Variants in LONRF2 observed in about 807,000 individuals in gnomAD.
LONRF2 encodes LON peptidase N-terminal domain and ring finger 2.
LONRF2 carries 35 observed loss-of-function variants against 66.6 expected under a neutral mutation model. The observed-to-expected ratio is 0.53, with a 90% CI of 0.40 to 0.70. LONRF2 has a LOEUF of 0.70. Ranked by LOEUF, LONRF2 falls within the 30% of genes least tolerant of loss-of-function variation. The pLI is 0.00. For synonymous variants in LONRF2, 417 were observed against 418.1 expected (o/e 1.00, Z 0.03); for missense variants, 902 against 1,002.1 (o/e 0.90, Z 1.35).
chr2:100,292,419 C>A (rs2105718958), intron 9 of LONRF2, among the ~76,000 whole-genome samples: 1 of 152,348 alleles, frequency 6.6e-6, no homozygotes, highest in Non-Finnish European at 1.5e-5. Context: ...AGAAAAATAG[C>A]TGAATTCTTC....
chr2:100,302,766 T>C (rs949608062), intron 3 of LONRF2, among the ~76,000 whole-genome samples, 155 bp downstream of exon 3: 6 of 152,236 alleles, frequency 3.9e-5, no homozygotes, highest in Non-Finnish European at 2.9e-5. Context: ...ATCCAATGTA[T>C]GAACCTTACA....
chr2:100,284,558 C>A (rs1674806889), intron 11 of LONRF2, 66 bp from the exon 12 acceptor site: 2 of 1,335,884 alleles, frequency 1.5e-6, no homozygotes, highest in Admixed American at 6.6e-5. Context: ...CCAACACAGT[C>A]TTTTGCTCCA....
rs1674544984 is a variant in LONRF2, at chr2:100,273,898, A to G, written c.*10400T>C. 1 of 152,240 alleles carries G rather than the reference A, an allele frequency of 6.6e-6. No individual in the cohort carries two copies. The highest frequency in any genetic ancestry group is 2.4e-5 in the African/African-American group (1 of 41,462). 9.4% of individuals were successfully genotyped at this position (152,240 alleles called of 1,614,324 possible). The stretch of plus-strand genomic sequence containing the variant: ...AGAGTACACAGCTTTCCAACCTATT[A>G]ACAGGTTCTTATTTTCAGAATTGAG... On this transcript the variant is annotated 3_prime_UTR_variant, in exon 12 of 12. Transcript: ENST00000393437.
chr2:100,293,486 C>T (rs968626750), intron 9 of LONRF2, among the ~76,000 whole-genome samples: 3 of 152,174 alleles, frequency 2.0e-5, no homozygotes, highest in Non-Finnish European at 4.4e-5. Flanking sequence ...AGCATGTGCA[C>T]CTCCTCCATA....
chr2:100,292,723 C>T (rs1373340789), intron 9 of LONRF2, among the ~76,000 whole-genome samples: 1 of 152,116 alleles, frequency 6.6e-6, no homozygotes, highest in Non-Finnish European at 1.5e-5. Flanking sequence ...ATTCTCAGCA[C>T]CTTGTATAAA....
chr2:100,289,021 G>GA (rs1179750600), intron 10 of LONRF2, among the ~76,000 whole-genome samples: 2 of 152,162 alleles, frequency 1.3e-5, no homozygotes, highest in East Asian at 1.9e-4. Flanking sequence ...TTAGACACAT[G>GA]AAAAAATTCT....
intron 1 of LONRF2, among the ~76,000 whole-genome samples, chr2:100,317,272 T>C (rs1675526379): frequency 6.6e-6 from 1 of 152,198 alleles, no homozygotes; most frequent in Admixed American, 6.5e-5. Flanking sequence ...AGTATTACTT[T>C]ACTATTCCAC....
intron 2 of LONRF2, among the ~76,000 whole-genome samples, chr2:100,305,185 A>G (rs1253890704): frequency 6.6e-6 from 1 of 152,200 alleles, no homozygotes; most frequent in African/African-American, 2.4e-5. Flanking sequence ...TCAGGGACCA[A>G]AAAGACAAAA....
chr2:100,285,063 A>G (rs1266814980), intron 11 of LONRF2, among the ~76,000 whole-genome samples: 1 of 152,242 alleles, frequency 6.6e-6, no homozygotes, highest in Non-Finnish European at 1.5e-5. Context: ...GCACTTCTAG[A>G]CTAAGTGCTA....
chr2:100,295,455 A>C lies in LONRF2; in HGVS notation c.1575T>G (p.Asp525Glu), dbSNP rs757535402. The change falls in exon 8 of 12, where the codon GAT becomes GAG. Residue 525 changes from aspartate to glutamate, a missense_variant. By Grantham distance (45) the Asp-to-Glu change is conservative (BLOSUM62 2). Transcript: ENST00000393437. ...ACTTTGACAGTTCTGACATTTCTTC[A>C]TCATAAATTCTCTTCCTATCAGACA... is the stretch of plus-strand genomic sequence containing the variant. Reference protein sequence around the residue: ...DELSDRKRIYDEEMSELSNLT... With the variant: ...DELSDRKRIYEEEMSELSNLT... The C allele has an allele frequency of 6.2e-7, 1 of 1,613,788 alleles. No homozygotes were observed. The highest frequency in any genetic ancestry group is 1.7e-5 in the Admixed American group (1 of 59,982).
At chr2:100,297,709 C>T (rs1675101337) in intron 7 of LONRF2, among the ~76,000 whole-genome samples, 1 of 152,178 alleles carries the variant, frequency 6.6e-6, no homozygotes, top group Admixed American at 6.5e-5. Context: ...GCTCTGCAGA[C>T]TCAGAGCACA....
rs145985316 is a variant in LONRF2, at chr2:100,296,797, A to C, written c.1477-1244T>G. On this transcript the variant is annotated intron_variant, in intron 7 of 11. Transcript: ENST00000393437. ...ATGTCCTTTTATTGAAGAGTAATAC[A>C]ATAAAACATGCTCTACTTGGCATGA... Among the ~76,000 whole-genome samples, 789 of 152,314 alleles carry C rather than the reference A, an allele frequency of 5.2e-3. 10 individuals carry two copies. Among genetic ancestry groups the C allele is most frequent in the Admixed American group, 0.035 (531 of 15,296 alleles).
chr2:100,299,679 G>T, intron 5 of LONRF2, 38 bp downstream of exon 5: 1 of 1,510,714 alleles, frequency 6.6e-7, no homozygotes, highest in Non-Finnish European at 9.2e-7. Context: ...CTATCACTTT[G>T]GAGTCACAGA....
Position 100,321,563 on chromosome 2 carries a change from C to T in LONRF2, c.531G>A (p.Arg177=). 2 of 1,539,354 alleles carry T rather than the reference C, an allele frequency of 1.3e-6. No homozygotes were observed. Among genetic ancestry groups the T allele is most frequent in the Non-Finnish European group, 1.7e-6 (2 of 1,155,146 alleles). The part of the protein sequence containing the change: ...VEPGPARPQV[R]RVNVVLSGLL... ...GGCCGCTCAGCACCACGTTCACGCG[C>T]CGCACCTGCGGCCGCGCGGGCCCTG... The change falls in exon 1 of 12, where the codon CGG becomes CGA. Residue 177 remains arginine, a synonymous_variant. Coordinates refer to ENST00000393437, the MANE Select transcript of LONRF2 (RefSeq NM_198461.4).
chr2:100,276,411 C>G lies in LONRF2; in HGVS notation c.*7887G>C, dbSNP rs755729180. 1 of 152,098 alleles carries G rather than the reference C, an allele frequency of 6.6e-6. No homozygotes were observed. Among genetic ancestry groups the G allele is most frequent in the Non-Finnish European group, 1.5e-5 (1 of 68,034 alleles). 9.4% of individuals were successfully genotyped at this position (152,098 alleles called of 1,614,324 possible). A position where few individuals can be genotyped will look rare whatever the true frequency, so the allele number is the denominator to read the frequency against. On this transcript the variant is annotated 3_prime_UTR_variant, in exon 12 of 12. Coordinates refer to ENST00000393437, the MANE Select transcript of LONRF2 (RefSeq NM_198461.4). ...AATTTCCTGTGGTCATAGTACCCAA[C>G]GCCCTAATATCCCATATTGAACACA...
chr2:100,312,971 T>C (rs1360580905), intron 1 of LONRF2, among the ~76,000 whole-genome samples: 3 of 152,156 alleles, frequency 2.0e-5, no homozygotes, highest in African/African-American at 7.2e-5. Flanking sequence ...AACATTTCAG[T>C]AGGTTCACCA....
Position 100,322,143 on chromosome 2 carries a change from G to C in LONRF2, c.-50C>G. The C allele has an allele frequency of 8.2e-7, 1 of 1,221,774 alleles. No individual in the cohort carries two copies. The highest frequency in any genetic ancestry group is 1.0e-6 in the Non-Finnish European group (1 of 980,556). The allele number at this position is 1,221,774 out of a possible 1,614,324, so 75.7% of individuals were successfully genotyped here. ...GTCCGGAGCGAAGGCGCGGAGCAGGGAGGATGCGCTGCTGCTGGGAACTGG... is the reference window on the plus strand; with the variant it reads ...GTCCGGAGCGAAGGCGCGGAGCAGGCAGGATGCGCTGCTGCTGGGAACTGG... On this transcript the variant is annotated 5_prime_UTR_variant, in exon 1 of 12. Transcript: ENST00000393437.
intron 7 of LONRF2, 124 bp downstream of exon 7, chr2:100,298,712 C>A (rs1675119393): frequency 1.5e-6 from 1 of 682,372 alleles, no homozygotes; most frequent in Non-Finnish European, 2.6e-6. Context: ...AAAGACCTAT[C>A]TTTGATTGGA....
chr2:100,302,972 G>T lies in LONRF2; in HGVS notation c.870C>A (p.Tyr290Ter), dbSNP rs781015290. 6.2e-7 allele frequency: 1 copy of T among 1,611,846 alleles called. No homozygotes were observed. The highest frequency in any genetic ancestry group is 1.7e-5 in the Admixed American group (1 of 59,824). ...TACATTCAGGATTCAGAGCAAGGCA[G>T]TAGAGAAATTCCTTTAACACTTCCT... ...RSKEVLKEFL[Y>*]CLALNPECNS... Residue 290 changes from tyrosine (Y) to a stop codon, truncating the protein, a stop_gained, in exon 3 of 12, where the codon TAC becomes TAA. Coordinates refer to ENST00000393437, the MANE Select transcript of LONRF2 (RefSeq NM_198461.4). LOFTEE classifies it high-confidence loss of function.
Sources: gnomAD v4.1 joint callset for allele counts (sites outside exome capture counted in the v4.1 genomes callset) on GRCh38, gnomAD v4.1.1 for gene constraint, MANE v1.5 for transcripts, NCBI Gene and HGNC (gene_info 2026-07-23, HGNC 2026-07-21) for gene names.